Variants in DAP observed in about 807,000 individuals in gnomAD.
DAP encodes death-associated protein 1.
In DAP, 8 loss-of-function variants were observed where a neutral mutation model predicts 13.8. The observed-to-expected ratio is 0.58, with a 90% confidence interval of 0.34 to 1.05. DAP has a LOEUF of 1.05. Ranked by LOEUF, DAP falls within the 50% of genes least tolerant of loss-of-function variation. The pLI is 0.03. For synonymous variants in DAP, 47 were observed against 47.5 expected (o/e 0.99, Z 0.04); for missense variants, 106 against 133.2 (o/e 0.80, Z 1.01).
At chr5:10,736,989 A>G (rs944725652) in intron 2 of DAP, among the ~76,000 whole-genome samples, 2 of 152,106 alleles carry the variant, frequency 1.3e-5, no homozygotes, top group African/African-American at 4.8e-5. Flanking sequence ...GTGGCACTCC[A>G]GCACCTGGGT....
chr5:10,700,064 C>G (rs1454463412), intron 2 of DAP, among the ~76,000 whole-genome samples: 1 of 152,218 alleles, frequency 6.6e-6, no homozygotes, highest in Non-Finnish European at 1.5e-5. Context: ...AGAGGGTAAC[C>G]AGAATGGGGC....
At chr5:10,742,657 TTA>T (rs1739790459) in intron 2 of DAP, among the ~76,000 whole-genome samples, 1 of 152,212 alleles carries the variant, frequency 6.6e-6, no homozygotes, top group Non-Finnish European at 1.5e-5. Context: ...GAGAACTTCC[TTA>T]TGTTCTGGCA....
At chr5:10,703,909 T>C (rs1041518595) in intron 2 of DAP, among the ~76,000 whole-genome samples, 5 of 152,258 alleles carry the variant, frequency 3.3e-5, no homozygotes, top group Non-Finnish European at 7.3e-5. Context: ...CTTGTCTCTA[T>C]GGCTTCACAA....
intron 2 of DAP, among the ~76,000 whole-genome samples, chr5:10,733,153 TGC>T (rs1232261773): frequency 1.6e-5 from 2 of 128,354 alleles, no homozygotes; most frequent in South Asian, 2.7e-4. Flanking sequence ...ATAATATTCC[TGC>T]GTGTGTGTGT....
chr5:10,698,725 C>T (rs556504458), intron 2 of DAP, among the ~76,000 whole-genome samples: 1 of 152,082 alleles, frequency 6.6e-6, no homozygotes, highest in Non-Finnish European at 1.5e-5. Flanking sequence ...GAGTGTCATT[C>T]TATCTATCAA....
At chr5:10,685,370 T>C (rs1738132124) in intron 2 of DAP, among the ~76,000 whole-genome samples, 1 of 126,620 alleles carries the variant, frequency 7.9e-6, no homozygotes, top group African/African-American at 3.3e-5. Flanking sequence ...CGCCACGTGG[T>C]ATAACTGAAT....
chr5:10,693,391 T>G lies in DAP; in HGVS notation c.153-9820A>C, dbSNP rs1183757262. 2.0e-5 allele frequency among the ~76,000 whole-genome samples: 3 copies of G among 152,220 alleles called. No individual in the cohort carries two copies. The East Asian group carries it at 5.8e-4, about 29-fold the overall frequency. ...ACACAGAAGGCAGGGACACATGGCC[T>G]TTAATAAGCCACTGGTGCTCTATTT... On this transcript the variant is annotated intron_variant, in intron 2 of 3. Transcript: ENST00000230895.
At position 10,679,535 on chromosome 5, in the gene DAP, G is replaced by A. The variant is rs1334597204; in HGVS notation, c.*1521C>T. 6.6e-6 allele frequency: 1 copy of A among 152,516 alleles called. No individual in the cohort carries two copies. Among genetic ancestry groups the A allele is most frequent in the Non-Finnish European group, 1.5e-5 (1 of 68,196 alleles). The allele number at this position is 152,516 out of a possible 1,614,324, so 9.4% of individuals were successfully genotyped here. A position where few individuals can be genotyped will look rare whatever the true frequency, so the allele number is the denominator to read the frequency against. On this transcript the variant is annotated 3_prime_UTR_variant, in exon 4 of 4. Transcript: ENST00000230895. ...GGGTGCTGCTCCGAAAGGCAGGCTG[G>A]GAGGTGCTTGCTGGGGTGTTCCATG...
At chr5:10,726,103 T>C (rs575642315) in intron 2 of DAP, among the ~76,000 whole-genome samples, 4 of 152,222 alleles carry the variant, frequency 2.6e-5, no homozygotes, top group African/African-American at 9.6e-5. Flanking sequence ...ACATGACAGA[T>C]GCTTTCAAAA....
intron 1 of DAP, 43 bp downstream of exon 1, chr5:10,760,970 GC>G (rs1310922828): frequency 1.1e-5 from 13 of 1,184,140 alleles, no homozygotes; most frequent in Admixed American, 9.1e-5. Flanking sequence ...GTTCGAGCCC[GC>G]CCCCGGCACC....
chr5:10,738,333 G>C (rs1460804407), intron 2 of DAP, among the ~76,000 whole-genome samples: 1 of 152,268 alleles, frequency 6.6e-6, no homozygotes. Flanking sequence ...CATGAGATAT[G>C]TATGAATTAC....
At chr5:10,730,745 G>A (rs1739435476) in intron 2 of DAP, among the ~76,000 whole-genome samples, 2 of 131,510 alleles carry the variant, frequency 1.5e-5, no homozygotes, top group African/African-American at 2.9e-5. Flanking sequence ...GCCCTGGTGG[G>A]GGGAATCTTT....
chr5:10,684,308 G>C (rs1262385111), intron 2 of DAP, among the ~76,000 whole-genome samples: 1 of 152,104 alleles, frequency 6.6e-6, no homozygotes, highest in Non-Finnish European at 1.5e-5. Context: ...GTCCTCACAG[G>C]GGAGATTCTA....
rs577277693 is a variant in DAP at position 10,721,584 on chromosome 5, C to G, written c.152+26591G>C. On this transcript the variant is annotated intron_variant, in intron 2 of 3. Transcript: ENST00000230895. The stretch of plus-strand genomic sequence containing the variant: ...TCCATTAGGGTGTCTCTTAGTCTTA[C>G]CATTGCCTGTGATTAAGGTCGACGG... Among the ~76,000 whole-genome samples the G allele has an allele frequency of 4.6e-5, 7 of 152,266 alleles. No individual in the cohort carries two copies. In the South Asian group the frequency reaches 1.5e-3, roughly 32 times the overall value.
At chr5:10,746,903 A>C (rs1739919546) in intron 2 of DAP, among the ~76,000 whole-genome samples, 1 of 152,176 alleles carries the variant, frequency 6.6e-6, no homozygotes, top group African/African-American at 2.4e-5. Flanking sequence ...TACTCTTGGC[A>C]ACTATCCATT....
intron 3 of DAP, among the ~76,000 whole-genome samples, chr5:10,682,176 G>A (rs1180278962): frequency 1.3e-5 from 2 of 151,440 alleles, no homozygotes; most frequent in African/African-American, 4.9e-5. Flanking sequence ...GGGTGAGGAA[G>A]CCCCAGACCA....
At chr5:10,706,929 TC>T (rs1211291584) in intron 2 of DAP, among the ~76,000 whole-genome samples, 2 of 152,138 alleles carry the variant, frequency 1.3e-5, no homozygotes, top group Non-Finnish European at 2.9e-5. Context: ...TCCTGTGTCC[TC>T]CCCTAATTAG....
intron 2 of DAP, among the ~76,000 whole-genome samples, chr5:10,739,258 G>A (rs1383114846): frequency 2.0e-5 from 3 of 148,020 alleles, no homozygotes; most frequent in Admixed American, 2.0e-4. Flanking sequence ...CAGCAAGTGT[G>A]GTGAAATTTT....
chr5:10,724,593 C>A (rs1739237447), intron 2 of DAP, among the ~76,000 whole-genome samples: 1 of 152,136 alleles, frequency 6.6e-6, no homozygotes, highest in East Asian at 1.9e-4. Context: ...TTCAGGTAGA[C>A]CAGGGGAGGC....
Sources: gnomAD v4.1 joint callset for allele counts (sites outside exome capture counted in the v4.1 genomes callset) on GRCh38, gnomAD v4.1.1 for gene constraint, MANE v1.5 for transcripts, NCBI Gene and HGNC (gene_info 2026-07-23, HGNC 2026-07-21) for gene names.